The following GRIP1 variants were observed in gnomAD, a reference collection of about 807,000 sequenced individuals.
GRIP1 encodes glutamate receptor-interacting protein 1.
GRIP1 carries 45 observed loss-of-function variants against 129.9 expected under a neutral mutation model. That is an observed-to-expected ratio of 0.35 (90% CI 0.27 to 0.44). The LOEUF is 0.44. Ranked by LOEUF, GRIP1 falls within the 20% of genes least tolerant of loss-of-function variation. The pLI is 1.00. For missense variants in GRIP1, 1,196 were observed against 1,396.8 expected (o/e 0.86, Z 2.29); for synonymous variants, 530 against 520.8 (o/e 1.02, Z -0.24).
intron 1 of GRIP1, among the ~76,000 whole-genome samples, chr12:67,043,869 AT>A (rs532992350): frequency 5.8e-4 from 87 of 149,374 alleles, no homozygotes; most frequent in African/African-American, 6.4e-4. Flanking sequence ...CTTGAAGTTT[AT>A]TTTTTTTTTT....
upstream of GRIP1, among the ~76,000 whole-genome samples, chr12:66,680,045 C>A (rs2034524156): frequency 1.3e-5 from 2 of 151,896 alleles, no homozygotes; most frequent in South Asian, 4.1e-4. Context: ...AATTCTCCCA[C>A]AGGAGTTAAC....
In GRIP1 at chr12:66,616,685, A is replaced by G. The variant is rs112443626; in HGVS notation, c.56-19758T>C. ...AAAGCCAGCAAAAACTAAGTATACA[A>G]AAGGTGAGGGAGGGACAGAACCTTC... On this transcript the variant is annotated intron_variant, in intron 1 of 24. Transcript: ENST00000359742. Among the ~76,000 whole-genome samples, 627 of 152,256 alleles carry G rather than the reference A, an allele frequency of 4.1e-3. 7 individuals carry two copies. Among genetic ancestry groups the G allele is most frequent in the African/African-American group, 0.014 (593 of 41,560 alleles).
At chr12:66,988,462 C>T (rs2042346843) in intron 1 of GRIP1, among the ~76,000 whole-genome samples, 1 of 152,142 alleles carries the variant, frequency 6.6e-6, no homozygotes, top group East Asian at 1.9e-4. Flanking sequence ...TCACTGCAAC[C>T]TCTGCCTCCT....
At chr12:66,602,926 G>A (rs1318896878) in intron 1 of GRIP1, among the ~76,000 whole-genome samples, 1 of 129,968 alleles carries the variant, frequency 7.7e-6, no homozygotes, top group South Asian at 2.5e-4. Context: ...TGATATGATC[G>A]TGGCTCACTG....
rs771388269 is a variant in GRIP1, at chr12:66,392,329, C to G, written c.2443G>C (p.Asp815His). 224 of 1,609,822 alleles carry G rather than the reference C, an allele frequency of 1.4e-4. No homozygotes were observed. Among genetic ancestry groups the G allele is most frequent in the Non-Finnish European group, 1.8e-4 (212 of 1,176,154 alleles). Reference protein sequence around the residue: ...AVDSWDGSAIDTSYGTQGTSF... With the variant: ...AVDSWDGSAIHTSYGTQGTSF... Reference sequence around the variant, plus strand: ...ATACCTTGAGTTCCATAGCTGGTGTCTATTGCAGACCCATCCCATGAATCC... The same window carrying G: ...ATACCTTGAGTTCCATAGCTGGTGTGTATTGCAGACCCATCCCATGAATCC... Residue 815 changes from aspartate to histidine, a missense_variant, in exon 19 of 25, where the codon GAC becomes CAC. Physicochemically the swap from Asp to His is moderately conservative, Grantham distance 81. Transcript: ENST00000359742.
At chr12:66,551,038 G>A (rs2062109355) in intron 2 of GRIP1, among the ~76,000 whole-genome samples, 1 of 152,206 alleles carries the variant, frequency 6.6e-6, no homozygotes, top group South Asian at 2.1e-4. Context: ...GAAAATCGGA[G>A]TTTACAAGTA....
intron 2 of GRIP1, among the ~76,000 whole-genome samples, chr12:66,572,056 T>C (rs566189935): frequency 6.6e-6 from 1 of 152,340 alleles, no homozygotes; most frequent in African/African-American, 2.4e-5. Flanking sequence ...TTCTGGATTC[T>C]GTGCTGCCCA....
intron 7 of GRIP1, among the ~76,000 whole-genome samples, chr12:66,478,629 A>G (rs12300291): frequency 0.056 from 8,545 of 152,256 alleles, 523 homozygotes; most frequent in East Asian, 0.21. Flanking sequence ...GAACCAACCC[A>G]AATGTCCAAC....
At chr12:66,908,630 G>T (rs1250182636) in intron 1 of GRIP1, among the ~76,000 whole-genome samples, 2 of 152,144 alleles carry the variant, frequency 1.3e-5, no homozygotes, top group Non-Finnish European at 2.9e-5. Context: ...AGTGAGATTG[G>T]AGTGCATGGT....
At chr12:66,769,964 G>A (rs2037765942) in intron 1 of GRIP1, among the ~76,000 whole-genome samples, 2 of 152,172 alleles carry the variant, frequency 1.3e-5, no homozygotes, top group Non-Finnish European at 2.9e-5. Context: ...AAGGACAACT[G>A]TTGGAGCTAT....
chr12:66,457,003 G>C (rs1243779794), intron 9 of GRIP1, among the ~76,000 whole-genome samples: 1 of 151,842 alleles, frequency 6.6e-6, no homozygotes, highest in Non-Finnish European at 1.5e-5. Flanking sequence ...ATTTACATTA[G>C]AAATAATTAT....
intron 2 of GRIP1, among the ~76,000 whole-genome samples, chr12:66,547,943 A>T (rs749046085): frequency 3.3e-5 from 5 of 152,174 alleles, no homozygotes; most frequent in Non-Finnish European, 5.9e-5. Context: ...TTTCTATATT[A>T]TTTTCTACAA....
At chr12:66,563,377 C>A (rs1281340135) in intron 2 of GRIP1, 2 of 152,076 alleles carry the variant, frequency 1.3e-5, no homozygotes, top group African/African-American at 4.8e-5. Context: ...ATCTTGTTTT[C>A]AAAACCTGAA....
At chr12:66,427,848 CA>C (rs925814379) in intron 14 of GRIP1, among the ~76,000 whole-genome samples, 8 of 151,948 alleles carry the variant, frequency 5.3e-5, no homozygotes, top group African/African-American at 1.9e-4. Context: ...AACTGCAAAT[CA>C]AAAAAAATTC....
At chr12:66,541,670 G>A (rs1010101405) in intron 3 of GRIP1, 145 bp downstream of exon 3, 20 of 846,714 alleles carry the variant, frequency 2.4e-5, no homozygotes, top group Non-Finnish European at 4.1e-5. Flanking sequence ...TCTGAAACGT[G>A]CCCCACTGTG....
chr12:66,711,416 G>C (rs2035708985), intron 1 of GRIP1, among the ~76,000 whole-genome samples: 1 of 151,744 alleles, frequency 6.6e-6, no homozygotes. Flanking sequence ...AAATCATCAA[G>C]AAAGTTTTCT....
chr12:67,045,813 A>C (rs1022439844), intron 1 of GRIP1, among the ~76,000 whole-genome samples: 1 of 152,222 alleles, frequency 6.6e-6, no homozygotes, highest in African/African-American at 2.4e-5. Context: ...CTCCAACACA[A>C]GTCAAATGCT....
intron 1 of GRIP1, among the ~76,000 whole-genome samples, chr12:66,630,806 T>A (rs191236179): frequency 6.6e-6 from 1 of 152,334 alleles, no homozygotes; most frequent in East Asian, 1.9e-4. Flanking sequence ...AAGAACTGTC[T>A]ATTCTTAGGA....
chr12:66,723,235 TCTCTC>T (rs1236624737), intron 1 of GRIP1, among the ~76,000 whole-genome samples: 2 of 17,606 alleles, frequency 1.1e-4, no homozygotes, highest in South Asian at 2.1e-3. Context: ...TCTCTCTCTC[TCTCTC>T]TTCCTTCCTT....
Sources: allele counts gnomAD v4.1 joint callset (sites outside exome capture counted in the v4.1 genomes callset), GRCh38; gene constraint gnomAD v4.1.1; transcripts MANE v1.5; gene names NCBI Gene and HGNC (gene_info 2026-07-23, HGNC 2026-07-21).